The following ENAH variants were observed in gnomAD, a reference collection of about 807,000 sequenced individuals.
ENAH encodes the protein ENAH actin regulator, also known as protein enabled homolog.
A neutral mutation model predicts 78.7 loss-of-function variants in ENAH; 23 were observed. That is an observed-to-expected ratio of 0.29 (90% CI 0.21 to 0.41). ENAH has a LOEUF of 0.41. ENAH is among the 10% of genes least tolerant of loss of function. ENAH has a pLI of 1.00. For synonymous variants in ENAH, 226 were observed against 241.0 expected (o/e 0.94, Z 0.58); for missense variants, 544 against 691.0 (o/e 0.79, Z 2.39).
At chr1:225,652,499 G>T in intron 1 of ENAH, 187 bp downstream of exon 1, 1 of 862,110 alleles carries the variant, frequency 1.2e-6, no homozygotes, top group Non-Finnish European at 1.4e-6. Context: ...CAAACCACAC[G>T]GGTTGGGGAG....
intron 1 of ENAH, among the ~76,000 whole-genome samples, chr1:225,603,853 G>A (rs1017332306): frequency 6.6e-6 from 1 of 152,184 alleles, no homozygotes; most frequent in Non-Finnish European, 1.5e-5. Flanking sequence ...TAATGGCTAT[G>A]GGTTTAAATG....
At chr1:225,549,464 T>C (rs1403937142) in intron 3 of ENAH, among the ~76,000 whole-genome samples, 2 of 152,170 alleles carry the variant, frequency 1.3e-5, no homozygotes, top group Admixed American at 1.3e-4. Flanking sequence ...CTTCCCGGCC[T>C]GCCCATTACA....
In ENAH at chr1:225,487,330, G is replaced by A. The variant is rs914118935; in HGVS notation, c.*10445C>T. On this transcript the variant is annotated 3_prime_UTR_variant, in exon 14 of 14. Coordinates refer to ENST00000366843, the MANE Select transcript of ENAH (RefSeq NM_018212.6). ...TGATCCTACCCTCCCAGCTGTTTTA[G>A]TTTCATGTCTCACCTTCTCTTCCAC... is the stretch of plus-strand genomic sequence containing the variant. 1.3e-5 allele frequency: 2 copies of A among 152,192 alleles called. No homozygotes were observed. The highest frequency in any genetic ancestry group is 6.5e-5 in the Admixed American group (1 of 15,272). The allele number at this position is 152,192 out of a possible 1,614,324, so 9.4% of individuals were successfully genotyped here.
At chr1:225,531,653 A>C (rs2096538082) in intron 3 of ENAH, among the ~76,000 whole-genome samples, 1 of 152,128 alleles carries the variant, frequency 6.6e-6, no homozygotes, top group Non-Finnish European at 1.5e-5. Context: ...GATATTCTGA[A>C]AGATTTGTAG....
At chr1:225,607,223 G>T (rs1310990642) in intron 1 of ENAH, among the ~76,000 whole-genome samples, 1 of 152,132 alleles carries the variant, frequency 6.6e-6, no homozygotes, top group Non-Finnish European at 1.5e-5. Flanking sequence ...AACGACAGCT[G>T]ATGAGCTTAA....
chr1:225,547,820 G>A (rs2096622101), intron 3 of ENAH, among the ~76,000 whole-genome samples: 1 of 152,084 alleles, frequency 6.6e-6, no homozygotes, highest in Non-Finnish European at 1.5e-5. Flanking sequence ...CATGCCTACA[G>A]TATGTCCAAC....
intron 3 of ENAH, among the ~76,000 whole-genome samples, chr1:225,547,352 T>C (rs1351013231): frequency 6.6e-6 from 1 of 152,082 alleles, no homozygotes; most frequent in Non-Finnish European, 1.5e-5. Flanking sequence ...TTACAGATGT[T>C]AGCCACTGCA....
At position 225,596,369 on chromosome 1, in the gene ENAH, G is replaced by A. The variant is rs1575656800; in HGVS notation, c.6-28955C>T. 2.0e-5 allele frequency among the ~76,000 whole-genome samples: 3 copies of A among 152,308 alleles called. No homozygotes were observed. In the Middle Eastern group the frequency reaches 0.01, roughly 518 times the overall value. ...TCAGAACTAGCACTTAATCAGCAAAGAGTCAGGACTCAAGTTGAGTTTAGC... is the reference window on the plus strand; with the variant it reads ...TCAGAACTAGCACTTAATCAGCAAAAAGTCAGGACTCAAGTTGAGTTTAGC... On this transcript the variant is annotated intron_variant, in intron 1 of 13. Transcript: ENST00000366843.
intron 1 of ENAH, among the ~76,000 whole-genome samples, chr1:225,576,659 A>G (rs1462209968): frequency 7.2e-6 from 1 of 139,550 alleles, no homozygotes; most frequent in Admixed American, 6.8e-5. Flanking sequence ...GAATTAACAC[A>G]TATAACAGAG....
At chr1:225,620,901 A>G (rs1656733687) in intron 1 of ENAH, among the ~76,000 whole-genome samples, 1 of 151,758 alleles carries the variant, frequency 6.6e-6, no homozygotes, top group Non-Finnish European at 1.5e-5. Flanking sequence ...GCTACTCAGG[A>G]GGCTGAGGCA....
chr1:225,527,626 CTT>C (rs1322224842), intron 4 of ENAH, among the ~76,000 whole-genome samples: 1 of 152,138 alleles, frequency 6.6e-6, no homozygotes, highest in Non-Finnish European at 1.5e-5. Flanking sequence ...ACAAATATCT[CTT>C]TTATAATTGT....
intron 1 of ENAH, among the ~76,000 whole-genome samples, chr1:225,600,020 C>T (rs1398160081): frequency 6.6e-6 from 1 of 152,070 alleles, no homozygotes; most frequent in East Asian, 1.9e-4. Context: ...GACATGCCTA[C>T]TCCCACTTCA....
intron 3 of ENAH, chr1:225,530,929 T>A: frequency 2.4e-6 from 1 of 412,106 alleles, no homozygotes; most frequent in East Asian, 3.5e-5. Flanking sequence ...TCGATGAGCA[T>A]CTGAAGAGGC....
At chr1:225,582,862 C>T (rs941351805) in intron 1 of ENAH, among the ~76,000 whole-genome samples, 1 of 151,918 alleles carries the variant, frequency 6.6e-6, no homozygotes, top group Non-Finnish European at 1.5e-5. Context: ...CCCCACTCTC[C>T]GCAAAAAAGA....
At chr1:225,501,131 A>C (rs1309438766) in intron 11 of ENAH, 61 bp from the exon 12 acceptor site, 6 of 1,278,930 alleles carry the variant, frequency 4.7e-6, no homozygotes, top group Non-Finnish European at 6.6e-6. Flanking sequence ...TGAGTTCATA[A>C]ATAATTGCAA....
intron 2 of ENAH, among the ~76,000 whole-genome samples, chr1:225,562,805 A>AT (rs1430175715): frequency 1.3e-5 from 2 of 151,844 alleles, no homozygotes; most frequent in Non-Finnish European, 2.9e-5. Flanking sequence ...ACTGATAACC[A>AT]TTAAGATATG....
intron 6 of ENAH, among the ~76,000 whole-genome samples, chr1:225,516,435 AG>A (rs1291567950): frequency 6.6e-6 from 1 of 152,236 alleles, no homozygotes; most frequent in Non-Finnish European, 1.5e-5. Context: ...ACTGTTCCAA[AG>A]GAAACTCTGG....
At chr1:225,525,375 G>A (rs1490485742) in intron 4 of ENAH, among the ~76,000 whole-genome samples, 1 of 152,124 alleles carries the variant, frequency 6.6e-6, no homozygotes, top group East Asian at 1.9e-4. Flanking sequence ...GTGCTAAAAA[G>A]TAGTACTTTT....
intron 11 of ENAH, chr1:225,505,006 T>C (rs369813451): frequency 1.3e-5 from 21 of 1,612,486 alleles, no homozygotes; most frequent in African/African-American, 1.1e-4. Context: ...TAATGAATCA[T>C]AGGACCTGTT....
Sources: allele counts gnomAD v4.1 joint callset (sites outside exome capture counted in the v4.1 genomes callset), GRCh38; gene constraint gnomAD v4.1.1; transcripts MANE v1.5; gene names NCBI Gene and HGNC (gene_info 2026-07-23, HGNC 2026-07-21).